Variants in TBC1D1 observed in about 807,000 individuals in gnomAD.
TBC1D1 encodes the protein TBC1 domain family member 1.
Under a neutral mutation model 125.6 loss-of-function variants are expected in TBC1D1, and 89 were observed. The ratio of observed to expected loss-of-function variants is 0.71; its 90% CI spans 0.60 to 0.85. The LOEUF (loss-of-function observed/expected upper bound fraction) is 0.85. Ranked by LOEUF, TBC1D1 falls within the 40% of genes least tolerant of loss-of-function variation. The pLI is 0.00. For missense variants in TBC1D1, 1,377 were observed against 1,469.2 expected, an observed-to-expected ratio of 0.94 and a Z score of 1.03; for synonymous variants, 565 against 564.1, an observed-to-expected ratio of 1.00 and a Z score of -0.02.
intron 17 of TBC1D1, among the ~76,000 whole-genome samples, chr4:38,121,504 C>T (rs932367138): frequency 6.6e-6 from 1 of 152,106 alleles, no homozygotes; most frequent in Non-Finnish European, 1.5e-5. Flanking sequence ...TTGCCTGTTT[C>T]TAGGTGGCTT....
intron 19 of TBC1D1, among the ~76,000 whole-genome samples, chr4:38,135,914 GTGTGTGTATA>G (rs1266000873): frequency 5.9e-5 from 7 of 118,236 alleles, no homozygotes; most frequent in Admixed American, 3.9e-4. Flanking sequence ...ATATATACGT[GTGTGTGTATA>G]TGTGTGTGTG....
intron 12 of TBC1D1, among the ~76,000 whole-genome samples, chr4:38,087,008 C>T (rs756990955): frequency 6.6e-6 from 1 of 152,134 alleles, no homozygotes; most frequent in Non-Finnish European, 1.5e-5. Flanking sequence ...AGTTATAAAA[C>T]CTCACTGCAC....
At position 38,115,847 on chromosome 4, in the gene TBC1D1, A is replaced by G. The variant is rs779596786; in HGVS notation, c.2695A>G (p.Ile899Val). 50 of 1,614,046 alleles carry G rather than the reference A, an allele frequency of 3.1e-5. No individual in the cohort carries two copies. The highest frequency in any genetic ancestry group is 4.0e-5 in the Non-Finnish European group (47 of 1,180,040). Reference sequence around the variant, plus strand: ...CCAAGGTCTCAGCTTTGTAGCAGGCATTTTGCTTCTTCATATGAGTGAGGA... The same window carrying G: ...CCAAGGTCTCAGCTTTGTAGCAGGCGTTTTGCTTCTTCATATGAGTGAGGA... The change falls in exon 16 of 20, where the codon ATT becomes GTT. Residue 899 changes from isoleucine to valine, a missense_variant. Physicochemically the swap from Ile to Val is conservative, Grantham distance 29. Around this residue, in one of 3 missense-constraint regions of TBC1D1, gnomAD observed 543 missense variants for 613.5 expected, o/e 0.89. Coordinates refer to ENST00000261439, the MANE Select transcript of TBC1D1 (RefSeq NM_015173.4).
At chr4:37,920,542 A>C (rs1035127661) in intron 2 of TBC1D1, among the ~76,000 whole-genome samples, 2 of 152,186 alleles carry the variant, frequency 1.3e-5, no homozygotes, top group African/African-American at 4.8e-5. Context: ...CGAGGGGCCG[A>C]TGACTTCCAC....
At chr4:38,037,825 A>C (rs974167033) in intron 8 of TBC1D1, among the ~76,000 whole-genome samples, 1 of 152,174 alleles carries the variant, frequency 6.6e-6, no homozygotes, top group African/African-American at 2.4e-5. Context: ...CTGTCAGAGG[A>C]GTTGTGAAAT....
chr4:38,132,888 A>G, intron 18 of TBC1D1, 196 bp from the exon 21 acceptor site: 1 of 322,882 alleles, frequency 3.1e-6, no homozygotes, highest in Non-Finnish European at 5.8e-6. Flanking sequence ...GATGTTTCTT[A>G]TATCCTTTTG....
rs1716626859 is a variant in TBC1D1 at position 37,903,540 on chromosome 4, T to A, written c.417+1028T>A. On this transcript the variant is annotated intron_variant, in intron 2 of 19. Transcript: ENST00000261439. ...CACCTGTTAACTGTCAGTGAAGCCT[T>A]GAAAGCTTCTCATATTTTCAAGGTT... 2.6e-5 allele frequency among the ~76,000 whole-genome samples: 4 copies of A among 152,182 alleles called. No homozygotes were observed. The South Asian group carries it at 8.3e-4, about 31-fold the overall frequency.
chr4:37,969,678 A>G (rs921780276), intron 2 of TBC1D1, among the ~76,000 whole-genome samples: 3 of 152,230 alleles, frequency 2.0e-5, no homozygotes, highest in Non-Finnish European at 4.4e-5. Context: ...GGGATCCATT[A>G]TTACAAAGGC....
chr4:38,022,365 A>G (rs1450272213), intron 6 of TBC1D1, among the ~76,000 whole-genome samples: 1 of 152,224 alleles, frequency 6.6e-6, no homozygotes, highest in African/African-American at 2.4e-5. Flanking sequence ...TGTGGGAGGA[A>G]AAGGGACTAT....
At chr4:38,131,370 G>C (rs544534144) in intron 18 of TBC1D1, among the ~76,000 whole-genome samples, 1 of 152,332 alleles carries the variant, frequency 6.6e-6, no homozygotes, top group African/African-American at 2.4e-5. Context: ...AACAATCTCA[G>C]TTTTAACATT....
At chr4:37,946,383 T>A (rs1726700406) in intron 2 of TBC1D1, among the ~76,000 whole-genome samples, 1 of 152,224 alleles carries the variant, frequency 6.6e-6, no homozygotes, top group Admixed American at 6.5e-5. Context: ...ATGGATTTGC[T>A]AAGTACCTGA....
At chr4:38,049,976 TTTATTGAGTGA>T in intron 11 of TBC1D1, 78 bp downstream of exon 11, 1 of 1,449,604 alleles carries the variant, frequency 6.9e-7, no homozygotes, top group Non-Finnish European at 9.3e-7. Context: ...CCCAGGTATG[TTTATTGAGTGA>T]GAGAAATGAG....
intron 2 of TBC1D1, among the ~76,000 whole-genome samples, chr4:37,917,628 T>C (rs1345995986): frequency 6.6e-6 from 1 of 152,104 alleles, no homozygotes; most frequent in Non-Finnish European, 1.5e-5. Context: ...GGCAGGGAAT[T>C]GGACTAACTG....
At chr4:38,109,138 G>A (rs1489070175) in intron 15 of TBC1D1, among the ~76,000 whole-genome samples, 1 of 152,196 alleles carries the variant, frequency 6.6e-6, no homozygotes, top group Non-Finnish European at 1.5e-5. Flanking sequence ...GACCTAGAAT[G>A]TAACATTCAG....
chr4:38,050,861 C>T (rs1242193061), intron 11 of TBC1D1, among the ~76,000 whole-genome samples: 1 of 152,200 alleles, frequency 6.6e-6, no homozygotes, highest in East Asian at 1.9e-4. Context: ...TGTTTTCTGT[C>T]AGCCATTGGA....
intron 6 of TBC1D1, 102 bp downstream of exon 6, chr4:38,021,820 C>G: frequency 7.8e-7 from 1 of 1,274,928 alleles, no homozygotes; most frequent in Non-Finnish European, 1.0e-6. Context: ...CTAACAGAGG[C>G]TTGTATTAGT....
chr4:38,083,951 T>TG (rs1757028317), intron 12 of TBC1D1, among the ~76,000 whole-genome samples: 1 of 151,332 alleles, frequency 6.6e-6, no homozygotes, highest in Admixed American at 6.6e-5. Context: ...TTTTTTTTTT[T>TG]TCTTGAGACA....
intron 18 of TBC1D1, among the ~76,000 whole-genome samples, chr4:38,130,157 T>G (rs1765355244): frequency 6.6e-6 from 1 of 152,214 alleles, no homozygotes. Context: ...TAGGTTGAGC[T>G]GGTAGAATAT....
At chr4:38,088,043 G>A (rs1757836135) in intron 12 of TBC1D1, among the ~76,000 whole-genome samples, 1 of 150,932 alleles carries the variant, frequency 6.6e-6, no homozygotes, top group South Asian at 2.1e-4. Flanking sequence ...CATAGGAATT[G>A]CAAAACTCTT....
Sources: allele counts gnomAD v4.1 joint callset (sites outside exome capture counted in the v4.1 genomes callset), GRCh38; gene constraint gnomAD v4.1.1; regional missense constraint gnomAD v4.1.1; transcripts MANE v1.5; gene names NCBI Gene and HGNC (gene_info 2026-07-23, HGNC 2026-07-21).